CPHXL2: variants seen among roughly 807,000 people sequenced by gnomAD.
CPHXL2 encodes the protein cytoplasmic polyadenylated homeobox like 2.
the CPHXL2 span, among the ~76,000 whole-genome samples, chr16:75,671,742 G>A: frequency 1.3e-5 from 2 of 152,184 alleles, no homozygotes; most frequent in Non-Finnish European, 2.9e-5. Flanking sequence ...GTTAAACACT[G>A]ATGCAAAAGC....
the CPHXL2 span, among the ~76,000 whole-genome samples, chr16:75,666,106 A>T: frequency 1.3e-5 from 2 of 152,190 alleles, no homozygotes; most frequent in African/African-American, 4.8e-5. Context: ...ATGGCAATGG[A>T]TACCAAAAGC....
the CPHXL2 span, among the ~76,000 whole-genome samples, chr16:75,670,548 G>T: frequency 0.39 from 58,842 of 152,026 alleles, 12,592 homozygotes; most frequent in African/African-American, 0.58. Context: ...TCTCACTGTC[G>T]CCGAGGCTGG....
At chr16:75,663,885 CAAAAA>C in the CPHXL2 span, among the ~76,000 whole-genome samples, 2 of 85,480 alleles carry the variant, frequency 2.3e-5, no homozygotes, top group African/African-American at 4.7e-5. Flanking sequence ...GACTCTGTCT[CAAAAA>C]AAAAAAAAAA....
At chr16:75,675,804 C>T in the CPHXL2 span, among the ~76,000 whole-genome samples, 1 of 152,132 alleles carries the variant, frequency 6.6e-6, no homozygotes, top group Admixed American at 6.6e-5. Flanking sequence ...ACAGGCCAGG[C>T]ATGGTGGCTC....
the CPHXL2 span, among the ~76,000 whole-genome samples, chr16:75,662,320 C>T: frequency 2.0e-5 from 3 of 149,808 alleles, no homozygotes; most frequent in African/African-American, 7.4e-5. Context: ...TTTTTTTTCC[C>T]TTTTTCTTTC....
chr16:75,667,880 C>T, the CPHXL2 span, among the ~76,000 whole-genome samples: 1 of 152,224 alleles, frequency 6.6e-6, no homozygotes, highest in Non-Finnish European at 1.5e-5. Flanking sequence ...CAATTCCTAT[C>T]TTCCATAGAC....
At chr16:75,671,114 G>A in the CPHXL2 span, among the ~76,000 whole-genome samples, 5 of 152,214 alleles carry the variant, frequency 3.3e-5, no homozygotes, top group Admixed American at 2.6e-4. Flanking sequence ...TGTGTGCGCC[G>A]GCTCACGCCT....
At chr16:75,669,236 A>C in the CPHXL2 span, 1 of 392,990 alleles carries the variant, frequency 2.5e-6, no homozygotes, top group Non-Finnish European at 4.5e-6. Context: ...GAGTCACCTG[A>C]GCCCAGGAAG....
At chr16:75,670,057 G>C in the CPHXL2 span, among the ~76,000 whole-genome samples, 1 of 152,004 alleles carries the variant, frequency 6.6e-6, no homozygotes, top group Non-Finnish European at 1.5e-5. Context: ...TGGGATTACA[G>C]GCACCTGCCA....
chr16:75,674,391 A>C, the CPHXL2 span, among the ~76,000 whole-genome samples: 1 of 151,656 alleles, frequency 6.6e-6, no homozygotes, highest in South Asian at 2.1e-4. Flanking sequence ...AAAAAAAAAA[A>C]AAAGAAGTGC....
chr16:75,675,550 G>A, the CPHXL2 span, among the ~76,000 whole-genome samples: 4 of 152,078 alleles, frequency 2.6e-5, no homozygotes, highest in Admixed American at 6.6e-5. Flanking sequence ...AAGAAAAAAT[G>A]TTTGGAAGTC....
chr16:75,664,490 C>T, the CPHXL2 span, among the ~76,000 whole-genome samples: 7 of 151,654 alleles, frequency 4.6e-5, no homozygotes, highest in Non-Finnish European at 5.9e-5. Flanking sequence ...CTAGGCATGG[C>T]GGCACGTGCC....
the CPHXL2 span, chr16:75,660,617 C>A: frequency 2.5e-6 from 1 of 398,532 alleles, no homozygotes; most frequent in East Asian, 3.6e-5. Flanking sequence ...CATTCTGCTG[C>A]TGTTCTTGCA....
At chr16:75,662,471 T>A in the CPHXL2 span, among the ~76,000 whole-genome samples, 1 of 151,902 alleles carries the variant, frequency 6.6e-6, no homozygotes, top group Non-Finnish European at 1.5e-5. Context: ...GTCCCAACCC[T>A]CTAATCCTGC....
chr16:75,674,813 G>A, the CPHXL2 span, among the ~76,000 whole-genome samples: 4,414 of 151,822 alleles, frequency 0.029, 209 homozygotes, highest in African/African-American at 0.097. Flanking sequence ...GGGTTCAAGC[G>A]ATTCTCCTGC....
chr16:75,665,634 G>T, the CPHXL2 span, among the ~76,000 whole-genome samples: 2 of 152,226 alleles, frequency 1.3e-5, no homozygotes, highest in African/African-American at 4.8e-5. Context: ...AGGCTGAGGC[G>T]GGTGGATCAC....
At chr16:75,669,405 T>G in the CPHXL2 span, 4 of 400,682 alleles carry the variant, frequency 1.0e-5, no homozygotes, top group Non-Finnish European at 1.8e-5. Flanking sequence ...TGGCCAGTGT[T>G]TTCCTAGTGG....
chr16:75,661,380 A>G, the CPHXL2 span: 2,352 of 396,584 alleles, frequency 5.9e-3, 60 homozygotes, highest in African/African-American at 0.043. Context: ...GCCTTCAGAC[A>G]TTAAGGCTTA....
the CPHXL2 span, among the ~76,000 whole-genome samples, chr16:75,666,145 A>G: frequency 1.3e-5 from 2 of 152,192 alleles, no homozygotes; most frequent in Non-Finnish European, 2.9e-5. Context: ...TTTATCAGAC[A>G]ACACAAACTT....
Sources: allele counts gnomAD v4.1 joint callset (sites outside exome capture counted in the v4.1 genomes callset), GRCh38; gene constraint gnomAD v4.1.1; transcripts MANE v1.5; gene names NCBI Gene and HGNC (gene_info 2026-07-23, HGNC 2026-07-21).